SNTG2: variants seen among roughly 807,000 people sequenced by gnomAD.
SNTG2 encodes the protein gamma-2-syntrophin.
Under a neutral mutation model 70.9 loss-of-function variants are expected in SNTG2, and 74 were observed. The observed-to-expected ratio is 1.04, with a 90% CI of 0.86 to 1.27. SNTG2 has a LOEUF of 1.27. SNTG2 is among the 50% of genes most tolerant of loss of function. The pLI is 0.00. For synonymous variants in SNTG2, 278 were observed against 273.8 expected (o/e 1.02, Z -0.15); for missense variants, 717 against 690.7 (o/e 1.04, Z -0.43).
chr2:1,331,618 T>C (rs950937651), intron 16 of SNTG2, among the ~76,000 whole-genome samples: 1 of 152,172 alleles, frequency 6.6e-6, no homozygotes, highest in Non-Finnish European at 1.5e-5. Flanking sequence ...CTTGACCTTG[T>C]CTGAGGCACA....
intron 1 of SNTG2, among the ~76,000 whole-genome samples, chr2:1,077,496 C>G (rs1218567266): frequency 6.6e-6 from 1 of 152,142 alleles, no homozygotes; most frequent in Non-Finnish European, 1.5e-5. Context: ...ATATTCCCTG[C>G]TCAATTTTCA....
At chr2:1,176,451 ATAAAGTTTGTTTTTATTT>A (rs1433981527) in intron 8 of SNTG2, among the ~76,000 whole-genome samples, 2 of 137,422 alleles carry the variant, frequency 1.5e-5, no homozygotes, top group Non-Finnish European at 3.2e-5. Flanking sequence ...TGAACCTAAA[ATAAAGTTTGTTTTTATTT>A]TAAATAAAAA....
intron 1 of SNTG2, among the ~76,000 whole-genome samples, chr2:977,811 A>G (rs1240337590): frequency 1.3e-5 from 2 of 151,380 alleles, no homozygotes; most frequent in African/African-American, 4.9e-5. Flanking sequence ...GCCCTCCACA[A>G]TCTCCGCTCT....
chr2:1,285,515 A>G (rs1319169057), intron 14 of SNTG2, among the ~76,000 whole-genome samples: 1 of 152,228 alleles, frequency 6.6e-6, no homozygotes, highest in Non-Finnish European at 1.5e-5. Flanking sequence ...AAATACTATC[A>G]CACAAAGTTA....
chr2:1,215,360 TG>T lies in SNTG2; in HGVS notation c.719+6132del, dbSNP rs776469005. Among the ~76,000 whole-genome samples, 33 of 152,306 alleles carry T rather than the reference TG, an allele frequency of 2.2e-4. 1 individual carries two copies. The highest frequency in any genetic ancestry group is 6.3e-4 in the African/African-American group (26 of 41,576). Reference sequence around the variant, plus strand: ...GGTAGAATTCAGCAGTGAAGACATCTGGTCTTCAGCTTTTCTTTGATGAAAG... The same window carrying T: ...GGTAGAATTCAGCAGTGAAGACATCTGTCTTCAGCTTTTCTTTGATGAAAG... On this transcript the variant is annotated intron_variant, in intron 9 of 16. Transcript: ENST00000308624.
chr2:1,325,907 C>T (rs1380009410), intron 16 of SNTG2, among the ~76,000 whole-genome samples: 2 of 151,858 alleles, frequency 1.3e-5, no homozygotes, highest in Non-Finnish European at 2.9e-5. Flanking sequence ...GATCTCAGCT[C>T]ACCGCCACCT....
chr2:1,257,769 G>GT (rs894174320), intron 12 of SNTG2, among the ~76,000 whole-genome samples: 65 of 152,240 alleles, frequency 4.3e-4, no homozygotes, highest in South Asian at 2.3e-3. Context: ...TACAAAAACC[G>GT]TAACTCCACA....
At chr2:1,090,035 C>T (rs995742856) in intron 2 of SNTG2, among the ~76,000 whole-genome samples, 9 of 152,178 alleles carry the variant, frequency 5.9e-5, no homozygotes, top group East Asian at 5.8e-4. Context: ...TTCCTTCATA[C>T]GCATTTTTCC....
chr2:1,170,097 A>G (rs751153748), intron 7 of SNTG2, among the ~76,000 whole-genome samples: 12 of 152,142 alleles, frequency 7.9e-5, no homozygotes, highest in Non-Finnish European at 1.5e-4. Flanking sequence ...AGAGAGTATC[A>G]CGGCAGATCT....
chr2:1,031,528 A>ATATATATATATTTTTT, intron 1 of SNTG2, among the ~76,000 whole-genome samples: 1 of 59,122 alleles, frequency 1.7e-5, no homozygotes, highest in Non-Finnish European at 3.1e-5. Context: ...ATATATATAT[A>ATATATATATATTTTTT]TTTTTTTTTT....
chr2:1,248,204 C>T (rs544385749), intron 12 of SNTG2, among the ~76,000 whole-genome samples: 2 of 152,126 alleles, frequency 1.3e-5, no homozygotes, highest in African/African-American at 2.4e-5. Context: ...CCTGTCTTTT[C>T]GTTGATAAGG....
intron 1 of SNTG2, among the ~76,000 whole-genome samples, chr2:1,033,467 G>A (rs1660954018): frequency 6.6e-6 from 1 of 152,224 alleles, no homozygotes; most frequent in African/African-American, 2.4e-5. Flanking sequence ...AGTTACTACA[G>A]CTGTGAGGCC....
At chr2:1,331,884 G>A (rs1659550900) in intron 16 of SNTG2, among the ~76,000 whole-genome samples, 1 of 152,194 alleles carries the variant, frequency 6.6e-6, no homozygotes, top group Admixed American at 6.5e-5. Context: ...TACCAGGAAG[G>A]CCTGAAGTTC....
chr2:1,293,808 G>A (rs1249281729), intron 14 of SNTG2, among the ~76,000 whole-genome samples: 1 of 152,196 alleles, frequency 6.6e-6, no homozygotes, highest in Non-Finnish European at 1.5e-5. Context: ...CTACATGGGA[G>A]AAGTGACCCT....
intron 1 of SNTG2, among the ~76,000 whole-genome samples, chr2:1,070,007 GC>G (rs1426773196): frequency 6.6e-6 from 1 of 151,922 alleles, no homozygotes; most frequent in Non-Finnish European, 1.5e-5. Context: ...AGAACCCGCG[GC>G]CCCCCACGTG....
chr2:1,089,719 C>A (rs556268490), intron 2 of SNTG2, among the ~76,000 whole-genome samples: 1 of 152,192 alleles, frequency 6.6e-6, no homozygotes, highest in Non-Finnish European at 1.5e-5. Flanking sequence ...AATCAAATAG[C>A]GCGTCACTCA....
chr2:1,190,655 A>C (rs1314550951), intron 8 of SNTG2, among the ~76,000 whole-genome samples: 4 of 151,244 alleles, frequency 2.6e-5, no homozygotes, highest in Admixed American at 6.6e-5. Context: ...AGGACAGCAA[A>C]ATAGAAACAT....
In SNTG2 at chr2:1,232,185, A is replaced by G. The variant is rs527575644; in HGVS notation, c.720-5703A>G. Among the ~76,000 whole-genome samples, 23 of 152,264 alleles carry G rather than the reference A, an allele frequency of 1.5e-4. No individual in the cohort carries two copies. The South Asian group carries it at 1.7e-3, about 11-fold the overall frequency. On this transcript the variant is annotated intron_variant, in intron 9 of 16. Transcript: ENST00000308624. ...CATGAACCAATGGGAAGTGACAGAG[A>G]AGGGTGAGGAGGTGCCCTGTGAGAC...
chr2:1,100,480 A>G (rs1321106786), intron 4 of SNTG2, among the ~76,000 whole-genome samples: 2 of 152,222 alleles, frequency 1.3e-5, no homozygotes, highest in Admixed American at 1.3e-4. Context: ...CAAAAGAAAC[A>G]TTATGATTCA....
Sources: gnomAD v4.1 joint callset for allele counts (sites outside exome capture counted in the v4.1 genomes callset) on GRCh38, gnomAD v4.1.1 for gene constraint, MANE v1.5 for transcripts, NCBI Gene and HGNC (gene_info 2026-07-23, HGNC 2026-07-21) for gene names.